Variants in C1QTNF3 observed in about 807,000 individuals in gnomAD.
C1QTNF3 encodes complement C1q tumor necrosis factor-related protein 3.
C1QTNF3 carries 26 observed loss-of-function variants against 32.6 expected under a neutral mutation model. That is an observed-to-expected ratio of 0.80 (90% confidence interval 0.58 to 1.11). The LOEUF (loss-of-function observed/expected upper bound fraction) is 1.11, where lower values mean the gene tolerates loss of function less well. Ranked by LOEUF, C1QTNF3 falls within the 50% of genes least tolerant of loss-of-function variation. The probability of loss-of-function intolerance (pLI) is 0.00; values close to 1 mark genes in which losing one functional copy is unlikely to be tolerated. For synonymous variants in C1QTNF3, 155 were observed against 146.0 expected, an observed-to-expected ratio of 1.06 and a Z score of -0.44; for missense variants, 362 against 398.2, an observed-to-expected ratio of 0.91 and a Z score of 0.77.
chr5:34,179,506 C>A, the C1QTNF3 span, among the ~76,000 whole-genome samples: 2 of 151,892 alleles, frequency 1.3e-5, no homozygotes, highest in East Asian at 3.9e-4. Flanking sequence ...AACAAACAAA[C>A]AAAAAGAAAG....
chr5:34,068,455 C>G, the C1QTNF3 span, among the ~76,000 whole-genome samples: 1 of 151,892 alleles, frequency 6.6e-6, no homozygotes, highest in Non-Finnish European at 1.5e-5. Flanking sequence ...CTCATGCTAG[C>G]TGGTACTTCT....
At chr5:34,131,820 T>C in the C1QTNF3 span, among the ~76,000 whole-genome samples, 1 of 152,238 alleles carries the variant, frequency 6.6e-6, no homozygotes, top group Non-Finnish European at 1.5e-5. Context: ...ATGATGGATA[T>C]GTGAATTACA....
At chr5:34,021,494 A>T (rs1754328072) in intron 5 of C1QTNF3, among the ~76,000 whole-genome samples, 1 of 152,262 alleles carries the variant, frequency 6.6e-6, no homozygotes, top group Non-Finnish European at 1.5e-5. Context: ...AGGGCCTAAC[A>T]AGGTTAAAAA....
chr5:34,097,211 A>C, the C1QTNF3 span, among the ~76,000 whole-genome samples: 40 of 152,008 alleles, frequency 2.6e-4, no homozygotes, highest in East Asian at 3.1e-3. Flanking sequence ...CAAAAAAAAA[A>C]CCGAAACATT....
At chr5:34,113,504 A>G in the C1QTNF3 span, among the ~76,000 whole-genome samples, 1 of 152,120 alleles carries the variant, frequency 6.6e-6, no homozygotes, top group Non-Finnish European at 1.5e-5. Flanking sequence ...GCAGATAGCA[A>G]CAATATATAT....
chr5:34,050,874 G>A, the C1QTNF3 span, among the ~76,000 whole-genome samples: 1 of 152,184 alleles, frequency 6.6e-6, no homozygotes, highest in Non-Finnish European at 1.5e-5. Flanking sequence ...TTTGGGGGTA[G>A]GTTTGCATAG....
intron 1 of C1QTNF3, among the ~76,000 whole-genome samples, chr5:34,041,250 T>C (rs1754866290): frequency 6.6e-6 from 1 of 152,204 alleles, no homozygotes; most frequent in Non-Finnish European, 1.5e-5. Context: ...ACTTCCAGAA[T>C]GTCAGTAACT....
At chr5:34,178,407 G>C in the C1QTNF3 span, among the ~76,000 whole-genome samples, 2 of 152,158 alleles carry the variant, frequency 1.3e-5, no homozygotes, top group Non-Finnish European at 2.9e-5. Flanking sequence ...TAAATTTAAG[G>C]GTGCAAACAG....
At chr5:34,138,928 C>T in the C1QTNF3 span, among the ~76,000 whole-genome samples, 1 of 151,752 alleles carries the variant, frequency 6.6e-6, no homozygotes, top group African/African-American at 2.4e-5. Context: ...AATAATTTGC[C>T]TAAGATTGCA....
chr5:34,198,807 C>T, the C1QTNF3 span, among the ~76,000 whole-genome samples: 5,487 of 29,120 alleles, frequency 0.19, 75 homozygotes, highest in East Asian at 0.33. Context: ...TATTTTAAAA[C>T]GGAATTTTCA....
chr5:34,055,158 T>C, the C1QTNF3 span, among the ~76,000 whole-genome samples: 5 of 152,218 alleles, frequency 3.3e-5, no homozygotes, highest in African/African-American at 1.2e-4. Flanking sequence ...CCTTACACCC[T>C]CCTGGACACC....
chr5:34,148,213 G>A, the C1QTNF3 span, among the ~76,000 whole-genome samples: 5 of 147,490 alleles, frequency 3.4e-5, no homozygotes, highest in East Asian at 2.1e-4. Flanking sequence ...CTACGCCCAC[G>A]GAATCTCGCT....
At chr5:34,074,921 G>A in the C1QTNF3 span, among the ~76,000 whole-genome samples, 1 of 151,692 alleles carries the variant, frequency 6.6e-6, no homozygotes, top group Non-Finnish European at 1.5e-5. Context: ...GAAAGCTGGA[G>A]GAATTGTAGG....
chr5:34,112,314 T>G, the C1QTNF3 span, among the ~76,000 whole-genome samples: 1 of 152,082 alleles, frequency 6.6e-6, no homozygotes, highest in East Asian at 1.9e-4. Flanking sequence ...TTATATCCCA[T>G]ACTGAAAGAT....
At chr5:34,137,716 G>C in the C1QTNF3 span, among the ~76,000 whole-genome samples, 1 of 152,288 alleles carries the variant, frequency 6.6e-6, no homozygotes, top group South Asian at 2.1e-4. Flanking sequence ...ACATATGAGT[G>C]CTCTCATACA....
At chr5:34,071,562 C>A in the C1QTNF3 span, among the ~76,000 whole-genome samples, 3 of 151,844 alleles carry the variant, frequency 2.0e-5, no homozygotes, top group Admixed American at 6.6e-5. Context: ...AAAAAACATT[C>A]GTACAATGTA....
At chr5:34,178,095 C>T in the C1QTNF3 span, among the ~76,000 whole-genome samples, 13 of 129,440 alleles carry the variant, frequency 1.0e-4, no homozygotes, top group East Asian at 2.3e-3. Context: ...GGTGAAACCT[C>T]ATCTCTACTA....
At chr5:34,076,080 C>T in the C1QTNF3 span, among the ~76,000 whole-genome samples, 2 of 151,730 alleles carry the variant, frequency 1.3e-5, no homozygotes, top group African/African-American at 2.4e-5. Flanking sequence ...CAGAATCATA[C>T]AGACAGAAAG....
At chr5:34,183,521 G>C in the C1QTNF3 span, among the ~76,000 whole-genome samples, 1 of 148,632 alleles carries the variant, frequency 6.7e-6, no homozygotes, top group African/African-American at 2.4e-5. Flanking sequence ...AGTAGAGACG[G>C]AGTTTTGCCA....
Sources: gnomAD v4.1 joint callset for allele counts (sites outside exome capture counted in the v4.1 genomes callset) on GRCh38, gnomAD v4.1.1 for gene constraint, MANE v1.5 for transcripts, NCBI Gene and HGNC (gene_info 2026-07-23, HGNC 2026-07-21) for gene names.